RARB: variants seen among roughly 807,000 people sequenced by gnomAD.
RARB encodes HBV-activated protein.
Under a neutral mutation model 51.9 loss-of-function variants are expected in RARB, and 17 were observed. The ratio of observed to expected loss-of-function variants is 0.33; its 90% CI spans 0.22 to 0.49. The LOEUF is 0.49. RARB is among the 20% of genes least tolerant of loss of function. The probability of loss-of-function intolerance (pLI) is 0.99; values close to 1 mark genes in which losing one functional copy is unlikely to be tolerated. For missense variants in RARB, 369 were observed against 550.8 expected (o/e 0.67, Z 3.30); for synonymous variants, 215 against 195.4 (o/e 1.10, Z -0.84).
Position 25,007,491 on chromosome 3 carries a change from G to A in RARB, c.-379-52634G>A, listed in dbSNP as rs9849661. ...AAAATACAAAAAATAGCTGGGCATG[G>A]TGGTGGGCACCTGTAATCCCAGCTA... On this transcript the variant is annotated intron_variant, in intron 2 of 11. Coordinates refer to the RARB transcript ENST00000383772. Among the ~76,000 whole-genome samples, 937 of 150,380 alleles carry A rather than the reference G, an allele frequency of 6.2e-3. 9 individuals carry two copies. Among genetic ancestry groups the A allele is most frequent in the African/African-American group, 0.022 (900 of 40,898 alleles).
chr3:24,895,896 A>G (rs1286780892), intron 2 of RARB, among the ~76,000 whole-genome samples: 2 of 152,220 alleles, frequency 1.3e-5, no homozygotes, highest in African/African-American at 4.8e-5. Context: ...AGGGATTCAA[A>G]CAGATATTTG....
chr3:24,948,242 C>A (rs1346085875), intron 2 of RARB, among the ~76,000 whole-genome samples: 1 of 150,500 alleles, frequency 6.6e-6, no homozygotes, highest in Non-Finnish European at 1.5e-5. Context: ...CACATCCCCC[C>A]TGCCCATGGT....
chr3:25,379,619 T>C (rs77103443), intron 5 of RARB, among the ~76,000 whole-genome samples: 3,091 of 152,252 alleles, frequency 0.02, 50 homozygotes, highest in Non-Finnish European at 0.03. Context: ...ACTTGGAAAA[T>C]ACAAAGAGCT....
chr3:25,015,068 G>A (rs577353096), intron 2 of RARB, among the ~76,000 whole-genome samples: 6 of 152,102 alleles, frequency 3.9e-5, no homozygotes, highest in Non-Finnish European at 5.9e-5. Flanking sequence ...CACATTTTGC[G>A]TTCTGTTGCC....
At chr3:25,419,660 C>T (rs1255729626) in intron 5 of RARB, among the ~76,000 whole-genome samples, 1 of 152,154 alleles carries the variant, frequency 6.6e-6, no homozygotes, top group African/African-American at 2.4e-5. Context: ...GACCCCCAAC[C>T]CCAGAAATTT....
Position 25,434,529 on chromosome 3 carries a change from C to CT in RARB, c.157+5657dup, listed in dbSNP as rs140015265. On this transcript the variant is annotated intron_variant, in intron 1 of 7. Coordinates refer to ENST00000330688, the MANE Select transcript of RARB (RefSeq NM_000965.5). ...TTGTCAGAGTTAATCCTTGGTACTC[C>CT]TTTTTTTTTTTTTTTTCTTTTTTTT... Among the ~76,000 whole-genome samples the CT allele has an allele frequency of 5.9e-4, 73 of 123,006 alleles. 1 individual carries two copies. The highest frequency in any genetic ancestry group is 1.1e-3 in the East Asian group (4 of 3,750). The allele number at this position is 123,006 out of a possible 152,430, so 80.7% of individuals were successfully genotyped here.
intron 3 of RARB, 38 bp from the exon 4 acceptor site, chr3:25,569,720 T>C: frequency 6.3e-7 from 1 of 1,595,952 alleles, no homozygotes. Flanking sequence ...AGGCCCAGCC[T>C]TCAGCGACCC....
chr3:24,999,583 G>A (rs1697115202), intron 2 of RARB, among the ~76,000 whole-genome samples: 1 of 152,146 alleles, frequency 6.6e-6, no homozygotes, highest in African/African-American at 2.4e-5. Context: ...AAAGATAGAA[G>A]CACAGGTGTT....
intron 2 of RARB, among the ~76,000 whole-genome samples, chr3:25,473,069 A>C (rs1695775968): frequency 6.6e-6 from 1 of 152,192 alleles, no homozygotes; most frequent in Non-Finnish European, 1.5e-5. Context: ...AGCACAACGC[A>C]ATGCTTATGT....
intron 3 of RARB, among the ~76,000 whole-genome samples, chr3:25,533,381 C>T (rs1453263771): frequency 6.6e-6 from 1 of 152,102 alleles, no homozygotes; most frequent in East Asian, 1.9e-4. Flanking sequence ...CAAAGTCAAT[C>T]GAAAACACTA....
intron 5 of RARB, among the ~76,000 whole-genome samples, chr3:25,322,737 A>AACTACTTTAAGAATTCT (rs1397427853): frequency 6.6e-6 from 1 of 152,164 alleles, no homozygotes; most frequent in Non-Finnish European, 1.5e-5. Flanking sequence ...TTTTTTTAAG[A>AACTACTTTAAGAATTCT]TAAACACTAC....
chr3:25,288,169 C>T (rs1255970052), intron 5 of RARB, among the ~76,000 whole-genome samples: 1 of 151,996 alleles, frequency 6.6e-6, no homozygotes, highest in Non-Finnish European at 1.5e-5. Context: ...AGGGAATTGT[C>T]CAGGGTAGGT....
intron 2 of RARB, among the ~76,000 whole-genome samples, chr3:24,973,057 A>G (rs1696435795): frequency 6.6e-6 from 1 of 152,062 alleles, no homozygotes; most frequent in Non-Finnish European, 1.5e-5. Flanking sequence ...TGCCCAGACC[A>G]ACGTCCTGAA....
intron 4 of RARB, among the ~76,000 whole-genome samples, chr3:25,136,803 G>T (rs1429938862): frequency 2.0e-5 from 3 of 151,904 alleles, no homozygotes; most frequent in African/African-American, 7.2e-5. Context: ...AACCATCCTT[G>T]GCTTAGAAGT....
At chr3:25,124,628 A>G (rs1177873278) in intron 3 of RARB, among the ~76,000 whole-genome samples, 1 of 152,180 alleles carries the variant, frequency 6.6e-6, no homozygotes, top group African/African-American at 2.4e-5. Context: ...TTTTCTAAAT[A>G]TTTCTTCAAA....
chr3:24,893,365 A>G (rs532765855), intron 2 of RARB, among the ~76,000 whole-genome samples: 50 of 152,350 alleles, frequency 3.3e-4, no homozygotes, highest in African/African-American at 1.2e-3. Flanking sequence ...GAACTGTTTA[A>G]TATTCATTTA....
chr3:25,092,981 C>T (rs186003663), intron 3 of RARB, among the ~76,000 whole-genome samples: 1 of 152,240 alleles, frequency 6.6e-6, no homozygotes, highest in Non-Finnish European at 1.5e-5. Context: ...TTATGATATT[C>T]CAATTGCCTT....
chr3:25,509,722 G>A (rs1371209380), intron 3 of RARB, among the ~76,000 whole-genome samples: 5 of 152,086 alleles, frequency 3.3e-5, no homozygotes, highest in Non-Finnish European at 7.4e-5. Context: ...TAGAAAGGAC[G>A]CCTGGCCCCC....
At chr3:25,583,420 C>A (rs1428123759) in intron 5 of RARB, among the ~76,000 whole-genome samples, 1 of 152,234 alleles carries the variant, frequency 6.6e-6, no homozygotes, top group Non-Finnish European at 1.5e-5. Context: ...TCAAGGGTCA[C>A]CAGCCCTGAT....
Sources: gnomAD v4.1 joint callset for allele counts (sites outside exome capture counted in the v4.1 genomes callset) on GRCh38, gnomAD v4.1.1 for gene constraint, MANE v1.5 for transcripts, NCBI Gene and HGNC (gene_info 2026-07-23, HGNC 2026-07-21) for gene names.